SREK1: variants seen among roughly 807,000 people sequenced by gnomAD.
The protein encoded by SREK1 is splicing regulatory glutamine/lysine-rich protein 1.
Under a neutral mutation model 66.5 loss-of-function variants are expected in SREK1, and 13 were observed. The ratio of observed to expected loss-of-function variants is 0.20; its 90% CI spans 0.13 to 0.31. SREK1 has a LOEUF of 0.31. Among genes scored for constraint, SREK1 ranks in the 10% least tolerant of loss-of-function variants. The probability of loss-of-function intolerance (pLI) is 1.00; values close to 1 mark genes in which losing one functional copy is unlikely to be tolerated. For missense variants in SREK1, 607 were observed against 769.6 expected (o/e 0.79, Z 2.50); for synonymous variants, 265 against 263.5 (o/e 1.01, Z -0.05).
chr5:66,176,517 G>A (rs57612200), intron 10 of SREK1, among the ~76,000 whole-genome samples: 6,644 of 152,108 alleles, frequency 0.044, 483 homozygotes, highest in African/African-American at 0.15. Flanking sequence ...TTAACTTAGG[G>A]AAAATTGATA....
At chr5:66,151,517 G>A (rs1219134930) in intron 1 of SREK1, among the ~76,000 whole-genome samples, 3 of 152,142 alleles carry the variant, frequency 2.0e-5, no homozygotes, top group Non-Finnish European at 4.4e-5. Flanking sequence ...GGAATGCAGG[G>A]GACAGAGGGC....
At chr5:66,152,595 ATC>A (rs1006864243) in intron 1 of SREK1, among the ~76,000 whole-genome samples, 5 of 152,152 alleles carry the variant, frequency 3.3e-5, no homozygotes, top group African/African-American at 1.2e-4. Flanking sequence ...TTTTCAAGTG[ATC>A]TCTCTTTTTT....
At position 66,179,480 on chromosome 5, in the gene SREK1, A is replaced by G. The variant is rs1746337514; in HGVS notation, c.*612A>G. On this transcript the variant is annotated 3_prime_UTR_variant, in exon 12 of 12. Transcript: ENST00000334121. ...AGTTTTGCAGATTAAAATTGCTTAA[A>G]TAAGTGGATTAAAAAACTGACAATG... 6.6e-6 allele frequency: 1 copy of G among 152,542 alleles called. No homozygotes were observed. The highest frequency in any genetic ancestry group is 6.6e-5 in the Admixed American group (1 of 15,242). The allele number at this position is 152,542 out of a possible 1,614,324, so 9.4% of individuals were successfully genotyped here.
In SREK1 at chr5:66,164,917, T is replaced by C. The variant is rs778994553; in HGVS notation, c.1001+20T>C. The C allele has an allele frequency of 1.3e-6, 2 of 1,578,926 alleles. No homozygotes were observed. The highest frequency in any genetic ancestry group is 4.5e-5 in the East Asian group (2 of 44,596). On this transcript the variant is annotated intron_variant, in intron 7 of 11. Transcript: ENST00000334121. ...ACACAGGTGAGAATTTCTGCTGTCA[T>C]ATTTAAATTTTATTTTAGTTTTGTA...
At chr5:66,178,111 T>A (rs1746210323) in intron 11 of SREK1, among the ~76,000 whole-genome samples, 1 of 152,126 alleles carries the variant, frequency 6.6e-6, no homozygotes, top group Non-Finnish European at 1.5e-5. Context: ...TGAATTAAGT[T>A]ACTTACACTG....
At chr5:66,172,928 T>A (rs1745762857) in intron 9 of SREK1, among the ~76,000 whole-genome samples, 1 of 151,042 alleles carries the variant, frequency 6.6e-6, no homozygotes, top group Admixed American at 6.6e-5. Flanking sequence ...CCTCCTGGGT[T>A]CAGCGATTCT....
At chr5:66,151,252 G>A (rs111489387) in intron 1 of SREK1, among the ~76,000 whole-genome samples, 21 of 152,300 alleles carry the variant, frequency 1.4e-4, no homozygotes, top group Middle Eastern at 3.4e-3. Context: ...GTTGCCAGTC[G>A]TTGTGGTGGA....
intron 3 of SREK1, 22 bp from the exon 4 acceptor site, chr5:66,162,087 G>GTT: frequency 6.2e-7 from 1 of 1,603,518 alleles, no homozygotes; most frequent in Non-Finnish European, 8.5e-7. Flanking sequence ...TGTTCTGTGT[G>GTT]TTTTTTTTCT....
intron 7 of SREK1, chr5:66,165,738 A>G (rs1262587459): frequency 6.6e-6 from 1 of 152,138 alleles, no homozygotes; most frequent in Non-Finnish European, 1.5e-5. Flanking sequence ...ACGTACTCCT[A>G]TGTATGTCTT....
rs913210982 is a variant in SREK1 at position 66,144,334 on chromosome 5, C to T, written c.-43C>T. On this transcript the variant is annotated 5_prime_UTR_variant, in exon 1 of 12. Coordinates refer to ENST00000334121, the MANE Select transcript of SREK1 (RefSeq NM_001077199.3). ...TTTCCCGGCTCCGTCGCTGACGCGT[C>T]GTAGACGTTGGGGAGCGGGAAGGCA... 29 of 1,460,010 alleles carry T rather than the reference C, an allele frequency of 2.0e-5. No individual in the cohort carries two copies. Among genetic ancestry groups the T allele is most frequent in the Middle Eastern group, 1.9e-4 (1 of 5,372 alleles). 90.4% of individuals were successfully genotyped at this position (1,460,010 alleles called of 1,614,324 possible). A position where few individuals can be genotyped will look rare whatever the true frequency, so the allele number is the denominator to read the frequency against.
intron 2 of SREK1, among the ~76,000 whole-genome samples, chr5:66,155,751 A>T (rs1473961176): frequency 6.6e-6 from 1 of 152,228 alleles, no homozygotes; most frequent in African/African-American, 2.4e-5. Context: ...AGAAGATCCT[A>T]AGTTGTAAAA....
intron 1 of SREK1, 110 bp from the exon 2 acceptor site, chr5:66,153,351 TAA>T (rs1744011332): frequency 7.2e-7 from 1 of 1,389,400 alleles, no homozygotes; most frequent in South Asian, 1.4e-5. Flanking sequence ...CAAAAAGTTT[TAA>T]AGTCTTAATT....
At chr5:66,149,787 A>T (rs1743603230) in intron 1 of SREK1, among the ~76,000 whole-genome samples, 1 of 152,188 alleles carries the variant, frequency 6.6e-6, no homozygotes, top group South Asian at 2.1e-4. Context: ...TTTTGGTTAA[A>T]AAGGACAGAA....
At chr5:66,162,753 T>TAA in intron 5 of SREK1, 161 bp downstream of exon 5, 1 of 599,764 alleles carries the variant, frequency 1.7e-6, no homozygotes, top group South Asian at 3.2e-5. Context: ...CTTACCATTT[T>TAA]AGTCTTTAAA....
Position 66,181,661 on chromosome 5 carries a change from A to G in SREK1, c.*2793A>G, listed in dbSNP as rs908467368. On this transcript the variant is annotated 3_prime_UTR_variant, in exon 12 of 12. Coordinates refer to ENST00000334121, the MANE Select transcript of SREK1 (RefSeq NM_001077199.3). ...GGTGCATCAGTTCATAAGCTAGTGC[A>G]TAAGTTTTGTGTCAAAACTTTTAAA... 2.0e-5 allele frequency: 3 copies of G among 152,222 alleles called. No homozygotes were observed. Among genetic ancestry groups the G allele is most frequent in the Non-Finnish European group, 2.9e-5 (2 of 68,038 alleles). 9.4% of individuals were successfully genotyped at this position (152,222 alleles called of 1,614,324 possible).
At chr5:66,169,027 G>GC (rs1400741727) in intron 7 of SREK1, 2 of 152,142 alleles carry the variant, frequency 1.3e-5, no homozygotes, top group African/African-American at 2.4e-5. Flanking sequence ...CTCACAGGTA[G>GC]CGTGTGGCAG....
chr5:66,159,406 G>T, intron 3 of SREK1, 72 bp downstream of exon 3: 1 of 1,166,082 alleles, frequency 8.6e-7, no homozygotes. Flanking sequence ...GAGAGCTTCA[G>T]ATTATTTGCA....
chr5:66,164,028 C>A, intron 6 of SREK1, 106 bp downstream of exon 6: 1 of 1,353,110 alleles, frequency 7.4e-7, no homozygotes, highest in Non-Finnish European at 1.0e-6. Flanking sequence ...ATTTTACAAA[C>A]AAGAAGACTG....
At chr5:66,152,506 C>T (rs1216799628) in intron 1 of SREK1, among the ~76,000 whole-genome samples, 2 of 152,078 alleles carry the variant, frequency 1.3e-5, no homozygotes, top group Non-Finnish European at 2.9e-5. Context: ...GTTAACTTTG[C>T]GATTTACTAG....
Sources: allele counts gnomAD v4.1 joint callset (sites outside exome capture counted in the v4.1 genomes callset), GRCh38; gene constraint gnomAD v4.1.1; transcripts MANE v1.5; gene names NCBI Gene and HGNC (gene_info 2026-07-23, HGNC 2026-07-21).